CHST11: variants seen among roughly 807,000 people sequenced by gnomAD.
CHST11 encodes the protein C4S-1.
In CHST11, 9 loss-of-function variants were observed where a neutral mutation model predicts 30.4. That is an observed-to-expected ratio of 0.30 (90% confidence interval 0.18 to 0.52). The LOEUF (loss-of-function observed/expected upper bound fraction) is 0.52, where lower values mean the gene tolerates loss of function less well. Ranked by LOEUF, CHST11 falls within the 20% of genes least tolerant of loss-of-function variation. The probability of loss-of-function intolerance (pLI) is 0.97; values close to 1 mark genes in which losing one functional copy is unlikely to be tolerated. For synonymous variants in CHST11, 152 were observed against 187.8 expected, an observed-to-expected ratio of 0.81 and a Z score of 1.56; for missense variants, 348 against 460.6, an observed-to-expected ratio of 0.76 and a Z score of 2.24.
At chr12:104,555,760 A>G (rs1007974510) in intron 1 of CHST11, among the ~76,000 whole-genome samples, 2 of 152,036 alleles carry the variant, frequency 1.3e-5, no homozygotes, top group Admixed American at 1.3e-4. Context: ...CCTGGAGCCA[A>G]CTCTAGGCTC....
At chr12:104,674,878 C>G (rs2039726312) in intron 2 of CHST11, among the ~76,000 whole-genome samples, 1 of 152,146 alleles carries the variant, frequency 6.6e-6, no homozygotes, top group Non-Finnish European at 1.5e-5. Flanking sequence ...GTCACGTAAC[C>G]TCTCTGAGCC....
At chr12:104,738,921 T>C (rs1326770106) in intron 2 of CHST11, among the ~76,000 whole-genome samples, 1 of 152,260 alleles carries the variant, frequency 6.6e-6, no homozygotes, top group Non-Finnish European at 1.5e-5. Flanking sequence ...TGGCAGTCAC[T>C]GGACTGATTC....
chr12:104,586,652 AG>A (rs1219202872), intron 1 of CHST11, among the ~76,000 whole-genome samples: 1 of 152,262 alleles, frequency 6.6e-6, no homozygotes, highest in Non-Finnish European at 1.5e-5. Context: ...AGCGCCAGGC[AG>A]GGAAGAAAGC....
At chr12:104,736,391 G>A (rs1369598443) in intron 2 of CHST11, among the ~76,000 whole-genome samples, 1 of 152,232 alleles carries the variant, frequency 6.6e-6, no homozygotes, top group Non-Finnish European at 1.5e-5. Flanking sequence ...ATAAGAAAAA[G>A]ACCAGTGACT....
intron 1 of CHST11, among the ~76,000 whole-genome samples, chr12:104,490,428 A>C (rs1388975404): frequency 6.6e-6 from 1 of 152,226 alleles, no homozygotes; most frequent in African/African-American, 2.4e-5. Context: ...CAATATTAAA[A>C]TGGACACATA....
intron 2 of CHST11, among the ~76,000 whole-genome samples, chr12:104,734,325 C>T (rs559491423): frequency 3.3e-5 from 5 of 152,214 alleles, no homozygotes; most frequent in African/African-American, 1.2e-4. Flanking sequence ...TGGTTGGCCT[C>T]AGGATCACAG....
intron 1 of CHST11, among the ~76,000 whole-genome samples, chr12:104,529,581 T>C (rs1333850580): frequency 1.3e-5 from 2 of 152,222 alleles, no homozygotes; most frequent in Non-Finnish European, 1.5e-5. Flanking sequence ...GGTTCCACAA[T>C]GATCAGAGAC....
At chr12:104,604,670 G>A (rs940448641) in intron 2 of CHST11, among the ~76,000 whole-genome samples, 14 of 152,278 alleles carry the variant, frequency 9.2e-5, no homozygotes, top group Admixed American at 4.6e-4. Flanking sequence ...TGAAGCTGCT[G>A]AGCCCGGAAT....
chr12:104,523,388 T>G (rs2038091940), intron 1 of CHST11, among the ~76,000 whole-genome samples: 3 of 152,228 alleles, frequency 2.0e-5, no homozygotes, highest in Non-Finnish European at 4.4e-5. Context: ...GGAAGTGTCA[T>G]ATAGATGGGA....
intron 2 of CHST11, among the ~76,000 whole-genome samples, chr12:104,748,578 A>G (rs2040406357): frequency 6.6e-6 from 1 of 150,624 alleles, no homozygotes; most frequent in Non-Finnish European, 1.5e-5. Context: ...AGGAAGAGAC[A>G]CCTGGGGAGT....
chr12:104,754,166 G>A (rs1360249615), intron 2 of CHST11, among the ~76,000 whole-genome samples: 5 of 152,262 alleles, frequency 3.3e-5, no homozygotes, highest in South Asian at 2.1e-4. Flanking sequence ...AGTGGAACCC[G>A]AAAATATATA....
At chr12:104,658,229 T>G (rs2039564502) in intron 2 of CHST11, among the ~76,000 whole-genome samples, 1 of 152,220 alleles carries the variant, frequency 6.6e-6, no homozygotes, top group Admixed American at 6.5e-5. Context: ...CAATTTATTT[T>G]CTCACACTTC....
intron 2 of CHST11, among the ~76,000 whole-genome samples, chr12:104,736,873 A>G (rs2040305343): frequency 6.6e-6 from 1 of 152,246 alleles, no homozygotes; most frequent in Admixed American, 6.5e-5. Flanking sequence ...TTGAAAGCAT[A>G]GGAGAAATGC....
chr12:104,564,406 C>T (rs2038541224), intron 1 of CHST11, among the ~76,000 whole-genome samples: 1 of 152,248 alleles, frequency 6.6e-6, no homozygotes, highest in African/African-American at 2.4e-5. Flanking sequence ...GTCATCTCAT[C>T]TCTCAATCCC....
intron 2 of CHST11, among the ~76,000 whole-genome samples, chr12:104,666,313 A>G (rs955077263): frequency 3.9e-5 from 6 of 152,202 alleles, no homozygotes; most frequent in African/African-American, 1.4e-4. Context: ...AAACAATTCA[A>G]CTTTGGATGC....
intron 2 of CHST11, among the ~76,000 whole-genome samples, chr12:104,670,456 T>G (rs951105282): frequency 4.4e-5 from 6 of 136,718 alleles, no homozygotes; most frequent in African/African-American, 1.7e-4. Context: ...CATGTGCAAG[T>G]GCATATGTTC....
chr12:104,511,003 A>C (rs1337388102), intron 1 of CHST11, among the ~76,000 whole-genome samples: 2 of 152,186 alleles, frequency 1.3e-5, no homozygotes, highest in Non-Finnish European at 2.9e-5. Flanking sequence ...ATAAAAGCCC[A>C]AAACCTTTTG....
At chr12:104,584,678 T>TTTAAC (rs10678406) in intron 1 of CHST11, among the ~76,000 whole-genome samples, 131,391 of 151,926 alleles carry the variant, frequency 0.86, 57,030 homozygotes, top group East Asian at 1. Flanking sequence ...AAGTGGTTAA[T>TTTAAC]TTAAACTCCA....
chr12:104,638,804 T>C lies in CHST11; in HGVS notation c.204+36813T>C, dbSNP rs76569011. On this transcript the variant is annotated intron_variant, in intron 2 of 2. Transcript: ENST00000303694. ...GATCCAGGTCCTGCAACTTCTTTCA[T>C]AGGGTATAACTTTAGTTTTCAGCCG... Among the ~76,000 whole-genome samples, 483 of 152,340 alleles carry C rather than the reference T, an allele frequency of 3.2e-3. 2 individuals are homozygous for C. The highest frequency in any genetic ancestry group is 0.011 in the African/African-American group (444 of 41,584).
Sources: allele counts gnomAD v4.1 joint callset (sites outside exome capture counted in the v4.1 genomes callset), GRCh38; gene constraint gnomAD v4.1.1; transcripts MANE v1.5; gene names NCBI Gene and HGNC (gene_info 2026-07-23, HGNC 2026-07-21).